Variants in MYCBP2 observed in about 807,000 individuals in gnomAD.
MYCBP2 encodes MYC binding protein 2, also known as E3 ubiquitin-protein ligase MYCBP2.
MYCBP2 carries 120 observed loss-of-function variants against 525.3 expected under a neutral mutation model. That is an observed-to-expected ratio of 0.23 (90% CI 0.20 to 0.27). The LOEUF is 0.27. MYCBP2 is among the 10% of genes least tolerant of loss of function. The pLI, the probability that MYCBP2 is intolerant of heterozygous loss-of-function variation, is 1.00. For missense variants in MYCBP2, 4,149 were observed against 5,657.1 expected, an observed-to-expected ratio of 0.73 and a Z score of 8.55; for synonymous variants, 1,894 against 1,955.8, an observed-to-expected ratio of 0.97 and a Z score of 0.83.
intron 3 of MYCBP2, among the ~76,000 whole-genome samples, chr13:77,284,977 A>C (rs1161846038): frequency 6.6e-6 from 1 of 152,198 alleles, no homozygotes; most frequent in Non-Finnish European, 1.5e-5. Flanking sequence ...CCCTGTTTGC[A>C]GACAGGTCAG....
chr13:77,277,973 T>C (rs1200939658), intron 4 of MYCBP2, among the ~76,000 whole-genome samples: 1 of 152,222 alleles, frequency 6.6e-6, no homozygotes, highest in African/African-American at 2.4e-5. Context: ...CCTATCTTAT[T>C]TAAAGGATTA....
intron 32 of MYCBP2, among the ~76,000 whole-genome samples, chr13:77,184,844 C>T (rs3889340): frequency 0.012 from 1,853 of 152,312 alleles, 41 homozygotes; most frequent in African/African-American, 0.042. Context: ...CTTTTCCTCT[C>T]TCCCTCTCTC....
At chr13:77,161,386 A>G (rs2057900624) in intron 44 of MYCBP2, among the ~76,000 whole-genome samples, 3 of 152,192 alleles carry the variant, frequency 2.0e-5, no homozygotes, top group Admixed American at 2.0e-4. Flanking sequence ...AAAAAAGGTA[A>G]AGCAAACAAT....
At chr13:77,120,146 T>C (rs1367481959) in intron 55 of MYCBP2, among the ~76,000 whole-genome samples, 2 of 152,162 alleles carry the variant, frequency 1.3e-5, no homozygotes, top group Non-Finnish European at 2.9e-5. Context: ...AGAGATATAG[T>C]AGCGGTAAGC....
At chr13:77,185,642 GATTATT>G (rs1236486570) in intron 31 of MYCBP2, among the ~76,000 whole-genome samples, 4 of 152,108 alleles carry the variant, frequency 2.6e-5, no homozygotes, top group African/African-American at 9.7e-5. Context: ...AACTTTATTA[GATTATT>G]TAACTTTGGC....
chr13:77,204,094 T>A (rs1445474891), intron 26 of MYCBP2, among the ~76,000 whole-genome samples: 4 of 149,520 alleles, frequency 2.7e-5, no homozygotes, highest in Non-Finnish European at 4.5e-5. Flanking sequence ...GAAACTACCA[T>A]CAGAGTGAAC....
chr13:77,159,402 A>G (rs1329873794), intron 44 of MYCBP2, among the ~76,000 whole-genome samples: 1 of 152,170 alleles, frequency 6.6e-6, no homozygotes, highest in African/African-American at 2.4e-5. Flanking sequence ...TTCTTGAACA[A>G]TAACATAATA....
intron 3 of MYCBP2, among the ~76,000 whole-genome samples, chr13:77,279,281 A>G (rs1415830062): frequency 1.3e-5 from 2 of 152,194 alleles, no homozygotes; most frequent in Non-Finnish European, 2.9e-5. Flanking sequence ...TACAATCACT[A>G]TATTATTATT....
chr13:77,137,971 G>A (rs1010393920), intron 52 of MYCBP2, among the ~76,000 whole-genome samples: 3 of 152,138 alleles, frequency 2.0e-5, no homozygotes, highest in African/African-American at 7.2e-5. Context: ...AAAAGTGGTT[G>A]CTATAATTAT....
chr13:77,145,404 GTTTAA>G (rs1490857434), intron 48 of MYCBP2, among the ~76,000 whole-genome samples: 1 of 151,970 alleles, frequency 6.6e-6, no homozygotes, highest in Non-Finnish European at 1.5e-5. Flanking sequence ...TCTGACTACC[GTTTAA>G]TTTAAGGAAT....
chr13:77,131,784 G>A (rs1382855137), intron 52 of MYCBP2, among the ~76,000 whole-genome samples: 1 of 152,002 alleles, frequency 6.6e-6, no homozygotes, highest in Non-Finnish European at 1.5e-5. Context: ...GTTCTGTCAA[G>A]AAAATTAGAA....
At chr13:77,148,021 T>C (rs1345378490) in intron 47 of MYCBP2, among the ~76,000 whole-genome samples, 1 of 152,026 alleles carries the variant, frequency 6.6e-6, no homozygotes, top group Non-Finnish European at 1.5e-5. Context: ...TTATACAAAC[T>C]GAAGCATGTT....
At chr13:77,061,594 G>C (rs2039309875) in intron 75 of MYCBP2, 68 bp downstream of exon 75, 15 of 1,549,372 alleles carry the variant, frequency 9.7e-6, no homozygotes, top group Non-Finnish European at 1.3e-5. Context: ...ACTACACAAA[G>C]CCTCTTTCAC....
At chr13:77,070,928 T>G (rs904612150) in intron 68 of MYCBP2, among the ~76,000 whole-genome samples, 3 of 152,154 alleles carry the variant, frequency 2.0e-5, no homozygotes, top group Non-Finnish European at 4.4e-5. Flanking sequence ...GAGAAGTATA[T>G]TCTCCTTTCA....
At chr13:77,048,674 A>G (rs1437886939) in intron 82 of MYCBP2, among the ~76,000 whole-genome samples, 1 of 152,118 alleles carries the variant, frequency 6.6e-6, no homozygotes, top group African/African-American at 2.4e-5. Flanking sequence ...GGATAATACC[A>G]TCTACTCGCA....
At chr13:77,188,738 C>G (rs2154255526) in intron 30 of MYCBP2, among the ~76,000 whole-genome samples, 1 of 152,300 alleles carries the variant, frequency 6.6e-6, no homozygotes, top group Non-Finnish European at 1.5e-5. Context: ...GCCAATTCAT[C>G]TGGTCATGTT....
intron 52 of MYCBP2, among the ~76,000 whole-genome samples, chr13:77,135,803 T>C (rs970792921): frequency 1.3e-5 from 2 of 152,166 alleles, no homozygotes; most frequent in Non-Finnish European, 2.9e-5. Flanking sequence ...TATGGACCCC[T>C]TCCTCCAATG....
chr13:77,157,743 C>T (rs1003843349), intron 45 of MYCBP2, among the ~76,000 whole-genome samples, 194 bp downstream of exon 45: 4 of 152,030 alleles, frequency 2.6e-5, no homozygotes, highest in African/African-American at 9.7e-5. Context: ...CAGTGAGACC[C>T]TCTCTCTCAA....
Position 77,051,804 on chromosome 13 carries a change from T to C in MYCBP2, c.13755+7A>G. The C allele has an allele frequency of 6.2e-7, 1 of 1,606,048 alleles. No individual in the cohort carries two copies. The highest frequency in any genetic ancestry group is 1.1e-5 in the South Asian group (1 of 90,438). ...AACTGTTGTTTCTAATAAAATGTTC[T>C]GCCTACCTGAGCCCTGGAAACATCA... On this transcript the variant is annotated splice_region_variant and intron_variant, in intron 81 of 82. Transcript: ENST00000544440.
Sources: gnomAD v4.1 joint callset for allele counts (sites outside exome capture counted in the v4.1 genomes callset) on GRCh38, gnomAD v4.1.1 for gene constraint, MANE v1.5 for transcripts, NCBI Gene and HGNC (gene_info 2026-07-23, HGNC 2026-07-21) for gene names.